Variants in RAPGEF2 observed in about 807,000 individuals in gnomAD.
RAPGEF2 encodes the protein PDZ domain containing guanine nucleotide exchange factor (GEF) 1.
A neutral mutation model predicts 186.7 loss-of-function variants in RAPGEF2; 54 were observed. The observed-to-expected ratio is 0.29, with a 90% confidence interval of 0.23 to 0.36. The LOEUF (loss-of-function observed/expected upper bound fraction) is 0.36. Ranked by LOEUF, RAPGEF2 falls within the 10% of genes least tolerant of loss-of-function variation. RAPGEF2 has a pLI of 1.00. For synonymous variants in RAPGEF2, 712 were observed against 705.9 expected (o/e 1.01, Z -0.14); for missense variants, 1,532 against 2,045.0 (o/e 0.75, Z 4.84).
Position 159,240,198 on chromosome 4 carries a change from T to C in RAPGEF2, c.358-1003T>C, listed in dbSNP as rs375190949. Reference sequence around the variant, plus strand: ...TTAAAACTGAGTATTTTATACTTGCTGATACTACACAAACTACTAGGTTTG... The same window carrying C: ...TTAAAACTGAGTATTTTATACTTGCCGATACTACACAAACTACTAGGTTTG... On this transcript the variant is annotated intron_variant, in intron 5 of 29. Coordinates refer to ENST00000691494, the MANE Select transcript of RAPGEF2 (RefSeq NM_001394067.2). 4.1e-4 allele frequency among the ~76,000 whole-genome samples: 62 copies of C among 152,284 alleles called. No individual in the cohort carries two copies. In the Middle Eastern group the frequency reaches 0.01, roughly 25 times the overall value.
chr4:159,213,027 C>T (rs961073094), intron 4 of RAPGEF2, among the ~76,000 whole-genome samples: 3 of 152,176 alleles, frequency 2.0e-5, no homozygotes, highest in Non-Finnish European at 4.4e-5. Flanking sequence ...TATTCTTTTT[C>T]TGGCTGGATG....
At chr4:159,147,914 G>A (rs138676556) in intron 1 of RAPGEF2, among the ~76,000 whole-genome samples, 1 of 152,230 alleles carries the variant, frequency 6.6e-6, no homozygotes, top group Non-Finnish European at 1.5e-5. Flanking sequence ...GCAATGCCTG[G>A]CACATGTGCC....
intron 7 of RAPGEF2, among the ~76,000 whole-genome samples, chr4:159,284,139 A>T (rs1040551866): frequency 2.0e-5 from 3 of 152,222 alleles, no homozygotes; most frequent in African/African-American, 7.2e-5. Flanking sequence ...ATCTGTCTTC[A>T]TTGGCTCCTT....
In RAPGEF2 at chr4:159,159,173, G is replaced by A. The variant is rs141266568; in HGVS notation, c.70-27469G>A. 4.9e-3 allele frequency among the ~76,000 whole-genome samples: 744 copies of A among 152,192 alleles called. 4 individuals carry two copies. Among genetic ancestry groups the A allele is most frequent in the African/African-American group, 0.017 (700 of 41,512 alleles). On this transcript the variant is annotated intron_variant, in intron 1 of 29. Transcript: ENST00000691494. ...CTCTGCCACCTCTGTGGTTTGCAGC[G>A]CCCGTCCACAGTGTCTCCCTCAGCC...
At chr4:159,306,737 T>G (rs368911006) in intron 8 of RAPGEF2, among the ~76,000 whole-genome samples, 113 of 152,300 alleles carry the variant, frequency 7.4e-4, no homozygotes, top group African/African-American at 2.6e-3. Context: ...AACTTTTCCC[T>G]GTTCAGTAAG....
rs115433109 is a variant in RAPGEF2, at chr4:159,119,616, G to A, written c.69+15385G>A. The stretch of plus-strand genomic sequence containing the variant: ...TATAGAGTTATATTACTGTAGCTAC[G>A]GTTATGGAATGCAGGTATATTCAAC... On this transcript the variant is annotated intron_variant, in intron 1 of 29. Transcript: ENST00000691494. 8.6e-3 allele frequency among the ~76,000 whole-genome samples: 1,313 copies of A among 152,192 alleles called. 24 individuals are homozygous for A. Among genetic ancestry groups the A allele is most frequent in the African/African-American group, 0.03 (1,245 of 41,504 alleles).
intron 1 of RAPGEF2, among the ~76,000 whole-genome samples, chr4:159,125,009 T>C (rs1579246154): frequency 6.6e-6 from 1 of 152,122 alleles, no homozygotes; most frequent in Non-Finnish European, 1.5e-5. Context: ...CTTGAAACTG[T>C]CTGTAGTCTT....
intron 1 of RAPGEF2, among the ~76,000 whole-genome samples, chr4:159,172,911 TA>T (rs11308963): frequency 0.48 from 73,085 of 151,940 alleles, 19,264 homozygotes; most frequent in African/African-American, 0.71. Context: ...TTTCCCTAAA[TA>T]GTTTATCTGA....
rs1341756723 is a variant in RAPGEF2, at chr4:159,243,870, ATAT to A, written c.543+81_543+83del. ...TTGCACTGTTACTAATGAATTTATA[ATAT>A]TCATATGTTTTGCTTCGTCTTGTCC... On this transcript the variant is annotated intron_variant, in intron 7 of 29. Coordinates refer to ENST00000691494, the MANE Select transcript of RAPGEF2 (RefSeq NM_001394067.2). The A allele has an allele frequency of 3.3e-5, 34 of 1,024,076 alleles. No homozygotes were observed. In the African/African-American group the frequency reaches 5.2e-4, roughly 16 times the overall value. The allele number at this position is 1,024,076 out of a possible 1,614,324, so 63.4% of individuals were successfully genotyped here. A position where few individuals can be genotyped will look rare whatever the true frequency, so the allele number is the denominator to read the frequency against.
Position 159,284,781 on chromosome 4 carries a change from G to A in RAPGEF2, c.544-19561G>A, listed in dbSNP as rs1252074983. 2.0e-5 allele frequency among the ~76,000 whole-genome samples: 3 copies of A among 152,330 alleles called. No individual in the cohort carries two copies. In the South Asian group the frequency reaches 6.2e-4, roughly 32 times the overall value. The stretch of plus-strand genomic sequence containing the variant: ...TAACTTACTCTTCTACCTGGGTGCG[G>A]TGGCTTCACGCCTGTAATCGCAACC... On this transcript the variant is annotated intron_variant, in intron 7 of 29. Transcript: ENST00000691494.
chr4:159,214,525 T>A (rs1170352441), intron 4 of RAPGEF2, among the ~76,000 whole-genome samples: 2 of 152,194 alleles, frequency 1.3e-5, no homozygotes, highest in Admixed American at 6.5e-5. Flanking sequence ...CCTAAATCAG[T>A]ATATTTAAAA....
intron 14 of RAPGEF2, 26 bp from the exon 15 acceptor site, chr4:159,331,604 A>C: frequency 6.2e-7 from 1 of 1,613,216 alleles, no homozygotes; most frequent in Non-Finnish European, 8.5e-7. Flanking sequence ...TCTTGAGTTG[A>C]CACTACTGTT....
chr4:159,224,021 C>G (rs1194231086), intron 4 of RAPGEF2, among the ~76,000 whole-genome samples: 6 of 152,022 alleles, frequency 3.9e-5, no homozygotes, highest in Non-Finnish European at 8.8e-5. Context: ...GCCTCGGCCT[C>G]CTGAGTAGCT....
intron 10 of RAPGEF2, among the ~76,000 whole-genome samples, chr4:159,322,721 G>T (rs144930571): frequency 1.4e-4 from 21 of 152,262 alleles, no homozygotes; most frequent in African/African-American, 5.1e-4. Flanking sequence ...ACAGTTCCAC[G>T]TGGCTGGGGA....
chr4:159,116,119 G>A (rs566688753), intron 1 of RAPGEF2, among the ~76,000 whole-genome samples: 2 of 152,090 alleles, frequency 1.3e-5, no homozygotes, highest in South Asian at 4.1e-4. Flanking sequence ...CCTCTGCACA[G>A]CAAAAAAAAC....
rs756481346 is a variant in RAPGEF2, at chr4:159,330,205, G to T, written c.1303-129G>T. The T allele has an allele frequency of 3.8e-4, 319 of 831,162 alleles. 1 individual carries two copies. Among genetic ancestry groups the T allele is most frequent in the Non-Finnish European group, 5.5e-4 (300 of 545,464 alleles). The allele number at this position is 831,162 out of a possible 1,614,324, so 51.5% of individuals were successfully genotyped here. ...TGTGTTACTATCCAATTCATTTTAT[G>T]TTGAATGTTTGAAATCCCAGTACCA... is the stretch of plus-strand genomic sequence containing the variant. On this transcript the variant is annotated intron_variant, in intron 12 of 29. Transcript: ENST00000691494.
chr4:159,134,353 G>A (rs1741461346), intron 1 of RAPGEF2, among the ~76,000 whole-genome samples: 1 of 152,172 alleles, frequency 6.6e-6, no homozygotes, highest in Admixed American at 6.5e-5. Flanking sequence ...TTCATTGTAT[G>A]GATGTACTGA....
At chr4:159,133,103 TTTTA>T (rs1741288343) in intron 1 of RAPGEF2, among the ~76,000 whole-genome samples, 1 of 152,258 alleles carries the variant, frequency 6.6e-6, no homozygotes, top group African/African-American at 2.4e-5. Context: ...ATATCTGCCC[TTTTA>T]TTTATTTAAT....
At chr4:159,326,172 T>C (rs577845462) in intron 11 of RAPGEF2, among the ~76,000 whole-genome samples, 1 of 152,334 alleles carries the variant, frequency 6.6e-6, no homozygotes, top group African/African-American at 2.4e-5. Flanking sequence ...TTTGGCATTT[T>C]AATGTAAGTA....
Sources: allele counts gnomAD v4.1 joint callset (sites outside exome capture counted in the v4.1 genomes callset), GRCh38; gene constraint gnomAD v4.1.1; transcripts MANE v1.5; gene names NCBI Gene and HGNC (gene_info 2026-07-23, HGNC 2026-07-21).